The following USH2A variants were observed in gnomAD, a reference collection of about 807,000 sequenced individuals.
The protein encoded by USH2A is Usher syndrome 2A (autosomal recessive, mild).
USH2A carries 443 observed loss-of-function variants against 538.9 expected under a neutral mutation model. That is an observed-to-expected ratio of 0.82 (90% confidence interval 0.76 to 0.89). USH2A has a LOEUF of 0.89. Among genes scored for constraint, USH2A ranks in the 40% least tolerant of loss-of-function variants. The pLI is 0.00. For missense variants in USH2A, 6,633 were observed against 6,324.8 expected (o/e 1.05, Z -1.65); for synonymous variants, 2,413 against 2,273.5 (o/e 1.06, Z -1.75).
In USH2A at chr1:216,108,963, T is replaced by C. The variant is rs75439980; in HGVS notation, c.4628-11750A>G. The stretch of plus-strand genomic sequence containing the variant: ...CTGTGGATACATTTCTACTGACTTA[T>C]GTAGAACTGAAGTTGGGCTTTAATT... On this transcript the variant is annotated intron_variant, in intron 21 of 71. Transcript: ENST00000307340. Among the ~76,000 whole-genome samples the C allele has an allele frequency of 6.4e-3, 980 of 152,270 alleles. 9 individuals are homozygous for C. The highest frequency in any genetic ancestry group is 0.02 in the African/African-American group (851 of 41,556).
At chr1:215,844,565 A>C in intron 45 of USH2A, 69 bp from the exon 46 acceptor site, 1 of 1,521,196 alleles carries the variant, frequency 6.6e-7, no homozygotes, top group Non-Finnish European at 9.0e-7. Flanking sequence ...AGCTAAATGC[A>C]GATTAGTATT....
Position 215,934,848 on chromosome 1 carries a change from T to C in USH2A, c.7121-53A>G, listed in dbSNP as rs985686698. On this transcript the variant is annotated intron_variant, in intron 37 of 71. Coordinates refer to ENST00000307340, the MANE Select transcript of USH2A (RefSeq NM_206933.4). ...AAATACATATTTAAGAATTCATTCC[T>C]GCTATTATTTGAGTATTTTCTTGAG... is the stretch of plus-strand genomic sequence containing the variant. The C allele has an allele frequency of 2.7e-6, 4 of 1,487,218 alleles. No homozygotes were observed. In the African/African-American group the frequency reaches 5.6e-5, roughly 21 times the overall value. 92.1% of individuals were successfully genotyped at this position (1,487,218 alleles called of 1,614,324 possible).
At chr1:216,396,875 T>C (rs972228027) in intron 3 of USH2A, among the ~76,000 whole-genome samples, 1 of 152,222 alleles carries the variant, frequency 6.6e-6, no homozygotes, top group African/African-American at 2.4e-5. Context: ...GTACAAATTG[T>C]ATTATCTCCG....
chr1:215,666,221 G>C (rs956513070), intron 64 of USH2A, among the ~76,000 whole-genome samples: 1 of 152,052 alleles, frequency 6.6e-6, no homozygotes, highest in Non-Finnish European at 1.5e-5. Flanking sequence ...ACCAAAGACC[G>C]GACCTCCCAA....
chr1:216,306,464 C>A (rs1487358366), intron 9 of USH2A, among the ~76,000 whole-genome samples: 1 of 152,148 alleles, frequency 6.6e-6, no homozygotes, highest in African/African-American at 2.4e-5. Context: ...TTTGGTGCCT[C>A]CTTCAGTCAC....
At chr1:215,843,465 C>T (rs2102821099) in intron 46 of USH2A, among the ~76,000 whole-genome samples, 1 of 152,164 alleles carries the variant, frequency 6.6e-6, no homozygotes, top group South Asian at 2.1e-4. Flanking sequence ...TTAGTATTCC[C>T]TATACTTTTT....
chr1:215,717,951 C>A (rs1659533020), intron 61 of USH2A, among the ~76,000 whole-genome samples: 1 of 152,044 alleles, frequency 6.6e-6, no homozygotes. Flanking sequence ...AATTTGGGAT[C>A]CAAAGTACGT....
chr1:215,827,553 C>A (rs547139886), intron 47 of USH2A, among the ~76,000 whole-genome samples: 2 of 152,218 alleles, frequency 1.3e-5, no homozygotes, highest in African/African-American at 4.8e-5. Context: ...TTAAGGTCTC[C>A]TTAAACAGAA....
intron 61 of USH2A, among the ~76,000 whole-genome samples, chr1:215,720,752 T>C (rs1009978213): frequency 1.3e-5 from 2 of 152,042 alleles, no homozygotes; most frequent in Non-Finnish European, 2.9e-5. Context: ...CAATAACAAA[T>C]AGTAAGAAAT....
intron 47 of USH2A, among the ~76,000 whole-genome samples, chr1:215,823,584 C>T (rs1663073622): frequency 6.6e-6 from 1 of 151,994 alleles, no homozygotes; most frequent in South Asian, 2.1e-4. Flanking sequence ...CTGTTTCTTA[C>T]ATTTTACAAA....
intron 62 of USH2A, among the ~76,000 whole-genome samples, chr1:215,678,838 C>G (rs1658128049): frequency 1.3e-5 from 2 of 152,080 alleles, no homozygotes; most frequent in Admixed American, 1.3e-4. Context: ...CAAATATTTG[C>G]TTAATATTTG....
At chr1:216,132,066 C>A (rs184589579) in intron 21 of USH2A, among the ~76,000 whole-genome samples, 188 of 152,104 alleles carry the variant, frequency 1.2e-3, no homozygotes, top group African/African-American at 4.1e-3. Context: ...TCCAAGTCCA[C>A]AACCACTCTA....
intron 15 of USH2A, among the ~76,000 whole-genome samples, chr1:216,216,070 G>A (rs1454866351): frequency 1.3e-5 from 2 of 151,996 alleles, no homozygotes; most frequent in Non-Finnish European, 2.9e-5. Flanking sequence ...TATAAATGAC[G>A]ATCCATAACT....
intron 61 of USH2A, among the ~76,000 whole-genome samples, chr1:215,696,910 G>A (rs1658828590): frequency 1.3e-5 from 2 of 152,008 alleles, no homozygotes; most frequent in African/African-American, 4.8e-5. Flanking sequence ...GTGAGAGGAT[G>A]CCGTGGTCAT....
intron 13 of USH2A, among the ~76,000 whole-genome samples, chr1:216,237,876 C>T (rs558285615): frequency 1.1e-4 from 16 of 152,208 alleles, no homozygotes; most frequent in Non-Finnish European, 2.2e-4. Context: ...TGACAAGATT[C>T]CTTCCTGATG....
intron 3 of USH2A, among the ~76,000 whole-genome samples, chr1:216,390,590 T>A (rs2039089475): frequency 6.6e-6 from 1 of 152,202 alleles, no homozygotes; most frequent in Non-Finnish European, 1.5e-5. Context: ...TAAATTATAA[T>A]CATCTTAAAA....
rs1362805839 is a variant in USH2A at position 215,934,753 on chromosome 1, T to C, written c.7163A>G (p.Tyr2388Cys). The change falls in exon 38 of 72, where the codon TAC (tyrosine) becomes TGC (cysteine). Residue 2388 changes from tyrosine (Y) to cysteine (C), a missense_variant. Tyr to Cys is a radical substitution (Grantham distance 194). Transcript: ENST00000307340. ...YTLLNVTKVM[Y>C]SGEETNLWVL... ...CCAAAGGTTTGTCTCTTCTCCGCTG[T>C]ACATGACTTTTGTGACATTCAGAAG... 1 of 1,612,742 alleles carries C rather than the reference T, an allele frequency of 6.2e-7. No individual in the cohort carries two copies. The highest frequency in any genetic ancestry group is 8.5e-7 in the Non-Finnish European group (1 of 1,179,034).
At chr1:215,926,597 T>C (rs1666242760) in intron 38 of USH2A, among the ~76,000 whole-genome samples, 1 of 145,996 alleles carries the variant, frequency 6.8e-6, no homozygotes, top group Non-Finnish European at 1.5e-5. Context: ...TAGTAGACAC[T>C]TGCTTTACCT....
Position 215,629,334 on chromosome 1 carries a change from G to C in USH2A, c.15298-299C>G, listed in dbSNP as rs183421026. Among the ~76,000 whole-genome samples the C allele has an allele frequency of 4.3e-4, 66 of 152,300 alleles. 1 individual carries two copies. Among genetic ancestry groups the C allele is most frequent in the Admixed American group, 3.6e-3 (55 of 15,302 alleles). ...ACTGGTGCTCTGGCTGTTGTTCCCT[G>C]TGGGGCAAGGGCTTGCTGCATTGCA... is the stretch of plus-strand genomic sequence containing the variant. On this transcript the variant is annotated intron_variant, in intron 70 of 71. Coordinates refer to ENST00000307340, the MANE Select transcript of USH2A (RefSeq NM_206933.4).
Sources: allele counts gnomAD v4.1 joint callset (sites outside exome capture counted in the v4.1 genomes callset), GRCh38; gene constraint gnomAD v4.1.1; transcripts MANE v1.5; gene names NCBI Gene and HGNC (gene_info 2026-07-23, HGNC 2026-07-21).